SGCE: variants seen among roughly 807,000 people sequenced by gnomAD.
The protein encoded by SGCE is epsilon-sarcoglycan.
In SGCE, 26 loss-of-function variants were observed where a neutral mutation model predicts 57.8. The ratio of observed to expected loss-of-function variants is 0.45; its 90% CI spans 0.33 to 0.62. The LOEUF (loss-of-function observed/expected upper bound fraction) is 0.62, where lower values mean the gene tolerates loss of function less well. Among genes scored for constraint, SGCE ranks in the 20% least tolerant of loss-of-function variants. The pLI, the probability that SGCE is intolerant of heterozygous loss-of-function variation, is 0.02. For missense variants in SGCE, 468 were observed against 548.6 expected (o/e 0.85, Z 1.47); for synonymous variants, 183 against 189.5 (o/e 0.97, Z 0.28).
At chr7:94,586,657 G>T in intron 10 of SGCE, 1 of 158,770 alleles carries the variant, frequency 6.3e-6, no homozygotes, top group Non-Finnish European at 1.2e-5. Flanking sequence ...ATGCCACCAT[G>T]CCCAGCTAAT....
At chr7:94,588,829 T>C in intron 9 of SGCE, 97 bp from the exon 10 acceptor site, 1 of 1,363,752 alleles carries the variant, frequency 7.3e-7, no homozygotes, top group Non-Finnish European at 1.0e-6. Flanking sequence ...GGGTAAACTA[T>C]GACCCCAGTC....
intron 1 of SGCE, among the ~76,000 whole-genome samples, chr7:94,651,448 A>C (rs918470446): frequency 6.6e-6 from 1 of 152,082 alleles, no homozygotes; most frequent in African/African-American, 2.4e-5. Context: ...GAACGTATAC[A>C]CCTCGCCGGT....
At chr7:94,643,864 T>G (rs191833730) in intron 1 of SGCE, among the ~76,000 whole-genome samples, 1 of 152,206 alleles carries the variant, frequency 6.6e-6, no homozygotes, top group Non-Finnish European at 1.5e-5. Context: ...TGGATTTCTC[T>G]AGGACGGAAA....
chr7:94,600,362 C>T, intron 7 of SGCE: 1 of 372,082 alleles, frequency 2.7e-6, no homozygotes, highest in South Asian at 2.8e-5. Context: ...GCTTGTATAA[C>T]CAAAATATCT....
chr7:94,599,477 G>T, intron 8 of SGCE: 1 of 539,124 alleles, frequency 1.9e-6, no homozygotes. Context: ...AATATTTTAG[G>T]TTTAATTTTT....
At chr7:94,628,094 C>A in intron 3 of SGCE, 108 bp downstream of exon 3, 3 of 780,454 alleles carry the variant, frequency 3.8e-6, no homozygotes, top group Admixed American at 4.2e-5. Context: ...TAAAAACCAC[C>A]ATCAGGTAAC....
intron 1 of SGCE, 199 bp from the exon 2 acceptor site, chr7:94,630,040 T>A: frequency 1.7e-6 from 1 of 572,072 alleles, no homozygotes; most frequent in Non-Finnish European, 3.0e-6. Flanking sequence ...AAAAAATTCT[T>A]TTGATTTGTG....
At chr7:94,631,993 T>C (rs1436146529) in intron 1 of SGCE, among the ~76,000 whole-genome samples, 1 of 152,044 alleles carries the variant, frequency 6.6e-6, no homozygotes, top group Admixed American at 6.6e-5. Context: ...ATTTGAATAA[T>C]TGTATCAATG....
In SGCE at chr7:94,650,015, A is replaced by T. The variant is rs1242432407; in HGVS notation, c.109+5975T>A. Among the ~76,000 whole-genome samples the T allele has an allele frequency of 2.0e-5, 3 of 152,220 alleles. No homozygotes were observed. In the East Asian group the frequency reaches 5.8e-4, roughly 29 times the overall value. ...TCATTTTAAGAAATCATATTTTCAA[A>T]GTTTGATATACTAACCCAAATAAAC... On this transcript the variant is annotated intron_variant, in intron 1 of 10. Transcript: ENST00000648936.
chr7:94,606,795 T>C (rs2116766156), intron 5 of SGCE, among the ~76,000 whole-genome samples: 1 of 152,260 alleles, frequency 6.6e-6, no homozygotes, highest in East Asian at 1.9e-4. Flanking sequence ...AAACTGGAAC[T>C]CAGTATCAAA....
At chr7:94,637,748 G>A (rs1805791684) in intron 1 of SGCE, among the ~76,000 whole-genome samples, 1 of 152,150 alleles carries the variant, frequency 6.6e-6, no homozygotes, top group Non-Finnish European at 1.5e-5. Context: ...AGAGAACAGA[G>A]GTTCCAGGGA....
Position 94,648,710 on chromosome 7 carries a change from G to A in SGCE, c.109+7280C>T, listed in dbSNP as rs1162899366. 2.0e-5 allele frequency among the ~76,000 whole-genome samples: 3 copies of A among 152,178 alleles called. No homozygotes were observed. In the East Asian group the frequency reaches 5.8e-4, roughly 29 times the overall value. The stretch of plus-strand genomic sequence containing the variant: ...ATTAACTATTTCATAGAAGAGAAAA[G>A]CCAATGTCATTTTACTGCACAGCAA... On this transcript the variant is annotated intron_variant, in intron 1 of 10. Transcript: ENST00000648936.
intron 5 of SGCE, among the ~76,000 whole-genome samples, chr7:94,604,638 G>T (rs1334189993): frequency 2.7e-5 from 4 of 150,176 alleles, no homozygotes; most frequent in African/African-American, 7.3e-5. Context: ...AAAAAGGAAA[G>T]AATAGTTGTT....
At chr7:94,611,396 A>G (rs1347612746) in intron 5 of SGCE, among the ~76,000 whole-genome samples, 2 of 151,450 alleles carry the variant, frequency 1.3e-5, no homozygotes, top group East Asian at 3.9e-4. Flanking sequence ...GTCACAGAAG[A>G]CCACATATTA....
chr7:94,611,631 TA>T (rs1801056646), intron 5 of SGCE, among the ~76,000 whole-genome samples: 1 of 152,218 alleles, frequency 6.6e-6, no homozygotes, highest in Admixed American at 6.5e-5. Context: ...ACATTTTAGA[TA>T]GGTGCATTGT....
At chr7:94,599,849 C>T in intron 7 of SGCE, 126 bp from the exon 8 acceptor site, 2 of 740,174 alleles carry the variant, frequency 2.7e-6, no homozygotes, top group Non-Finnish European at 4.8e-6. Flanking sequence ...TGCAACCAGG[C>T]AGCATTTGCC....
At chr7:94,592,162 G>A (rs1797777463) in intron 9 of SGCE, among the ~76,000 whole-genome samples, 1 of 152,180 alleles carries the variant, frequency 6.6e-6, no homozygotes, top group Non-Finnish European at 1.5e-5. Flanking sequence ...GAACCTGTAA[G>A]TATTAAAGTG....
rs575201332 is a variant in SGCE, at chr7:94,598,509, G to T, written c.1253+266C>A. 1.9e-5 allele frequency: 8 copies of T among 418,672 alleles called. No individual in the cohort carries two copies. In the South Asian group the frequency reaches 2.3e-4, roughly 12 times the overall value. The allele number at this position is 418,672 out of a possible 1,614,324, so 25.9% of individuals were successfully genotyped here. On this transcript the variant is annotated intron_variant, in intron 9 of 10. Transcript: ENST00000648936. ...ACTCATCTTTGAGCAAACATGTAAT[G>T]TTGAGTTTAATATCAGTGTCAATTT...
intron 1 of SGCE, among the ~76,000 whole-genome samples, chr7:94,635,051 T>C (rs555214999): frequency 6.6e-6 from 1 of 152,162 alleles, no homozygotes; most frequent in Non-Finnish European, 1.5e-5. Context: ...TAAGATACTA[T>C]AACACAATAT....
Sources: gnomAD v4.1 joint callset for allele counts (sites outside exome capture counted in the v4.1 genomes callset) on GRCh38, gnomAD v4.1.1 for gene constraint, MANE v1.5 for transcripts, NCBI Gene and HGNC (gene_info 2026-07-23, HGNC 2026-07-21) for gene names.